The following EXOC4 variants were observed in gnomAD, a reference collection of about 807,000 sequenced individuals.
EXOC4 encodes the protein exocyst complex component 4, also known as SEC8-like 1.
Under a neutral mutation model 107.2 loss-of-function variants are expected in EXOC4, and 71 were observed. That is an observed-to-expected ratio of 0.66 (90% CI 0.55 to 0.81). The LOEUF (loss-of-function observed/expected upper bound fraction) is 0.81, where lower values mean the gene tolerates loss of function less well. Ranked by LOEUF, EXOC4 falls within the 30% of genes least tolerant of loss-of-function variation. The pLI, the probability that EXOC4 is intolerant of heterozygous loss-of-function variation, is 0.00. For synonymous variants in EXOC4, 456 were observed against 441.2 expected, an observed-to-expected ratio of 1.03 and a Z score of -0.42; for missense variants, 1,108 against 1,189.6, an observed-to-expected ratio of 0.93 and a Z score of 1.01.
chr7:133,947,817 A>C (rs879154286), intron 14 of EXOC4, among the ~76,000 whole-genome samples: 3 of 152,226 alleles, frequency 2.0e-5, no homozygotes, highest in African/African-American at 7.2e-5. Flanking sequence ...TTTTATTAAA[A>C]TATGATAATA....
chr7:133,350,188 A>G (rs1403117591), intron 5 of EXOC4, among the ~76,000 whole-genome samples: 1 of 152,034 alleles, frequency 6.6e-6, no homozygotes, highest in African/African-American at 2.4e-5. Context: ...ATGCAGTCCA[A>G]TTTGATTTTT....
intron 11 of EXOC4, among the ~76,000 whole-genome samples, chr7:133,846,694 G>T (rs1798135305): frequency 6.6e-6 from 1 of 152,234 alleles, no homozygotes; most frequent in Non-Finnish European, 1.5e-5. Context: ...TTGTGGTGGG[G>T]AAGTAGCCAT....
At chr7:133,650,375 AG>A (rs1391437611) in intron 10 of EXOC4, among the ~76,000 whole-genome samples, 1 of 152,134 alleles carries the variant, frequency 6.6e-6, no homozygotes, top group Admixed American at 6.6e-5. Flanking sequence ...ATGGAGCTCT[AG>A]GCTCAATTGA....
At chr7:133,690,212 C>T (rs1365939797) in intron 10 of EXOC4, among the ~76,000 whole-genome samples, 1 of 152,146 alleles carries the variant, frequency 6.6e-6, no homozygotes, top group African/African-American at 2.4e-5. Context: ...GGAGCTCAGT[C>T]CAAACCAATA....
chr7:134,042,136 C>T (rs1795535597), intron 17 of EXOC4, among the ~76,000 whole-genome samples: 1 of 152,116 alleles, frequency 6.6e-6, no homozygotes, highest in African/African-American at 2.4e-5. Context: ...AGAAAGAAAC[C>T]CTAGCCCAGG....
chr7:133,576,443 T>TA (rs944885402), intron 9 of EXOC4: 1 of 1,220,404 alleles, frequency 8.2e-7, no homozygotes, highest in African/African-American at 1.6e-5. Context: ...TTACTACACT[T>TA]AAAAAATTAT....
At chr7:133,734,890 C>G (rs913026373) in intron 10 of EXOC4, among the ~76,000 whole-genome samples, 1 of 151,652 alleles carries the variant, frequency 6.6e-6, no homozygotes, top group South Asian at 2.1e-4. Flanking sequence ...TTTAACAAGT[C>G]ATGACTCACT....
At position 133,514,476 on chromosome 7, in the gene EXOC4, A is replaced by G. The variant is rs559420366; in HGVS notation, c.1417+34338A>G. ...TGTGCACGGCCTGGAACATCTTTAT[A>G]CTTAAAACAAGTAACTTTCTTTTTC... On this transcript the variant is annotated intron_variant, in intron 9 of 17. Transcript: ENST00000253861. 2.0e-5 allele frequency among the ~76,000 whole-genome samples: 3 copies of G among 152,188 alleles called. No individual in the cohort carries two copies. The East Asian group carries it at 5.8e-4, about 29-fold the overall frequency.
intron 4 of EXOC4, among the ~76,000 whole-genome samples, chr7:133,307,862 C>T (rs1005680210): frequency 1.3e-5 from 2 of 152,196 alleles, no homozygotes; most frequent in Non-Finnish European, 2.9e-5. Context: ...ACCTGCCTAG[C>T]CTGCATCAAC....
At chr7:133,698,922 C>T (rs2151085026) in intron 10 of EXOC4, among the ~76,000 whole-genome samples, 1 of 151,342 alleles carries the variant, frequency 6.6e-6, no homozygotes, top group Non-Finnish European at 1.5e-5. Context: ...ATAAAATAGG[C>T]ATGTGCTTTG....
intron 7 of EXOC4, among the ~76,000 whole-genome samples, chr7:133,469,241 C>A (rs1055992453): frequency 6.6e-6 from 1 of 152,062 alleles, no homozygotes; most frequent in African/African-American, 2.4e-5. Flanking sequence ...CACGGTGAAA[C>A]CCCATCTCTA....
downstream of EXOC4, chr7:134,066,387 A>T (rs1796178123): frequency 1.3e-5 from 2 of 152,204 alleles, no homozygotes. Flanking sequence ...GATTGAGCAG[A>T]ATGTCAAGAG....
chr7:133,259,620 C>T (rs1795096924), intron 1 of EXOC4, among the ~76,000 whole-genome samples: 1 of 151,994 alleles, frequency 6.6e-6, no homozygotes, highest in Non-Finnish European at 1.5e-5. Context: ...AAAAATAGTA[C>T]TCTCATGATA....
chr7:133,657,110 C>G (rs1803318076), intron 10 of EXOC4, among the ~76,000 whole-genome samples: 1 of 152,102 alleles, frequency 6.6e-6, no homozygotes, highest in Admixed American at 6.6e-5. Flanking sequence ...ACAAGTTTTG[C>G]TAAATGCATG....
At chr7:133,991,033 A>G (rs1372828945) in intron 14 of EXOC4, among the ~76,000 whole-genome samples, 4 of 152,164 alleles carry the variant, frequency 2.6e-5, no homozygotes, top group African/African-American at 4.8e-5. Context: ...ACTAATTTAC[A>G]TTCCCACCAA....
intron 10 of EXOC4, among the ~76,000 whole-genome samples, chr7:133,726,322 T>G (rs568221033): frequency 6.6e-6 from 1 of 152,318 alleles, no homozygotes; most frequent in South Asian, 2.1e-4. Context: ...AGTACAAGTG[T>G]GTCAAGTAAG....
At chr7:133,687,412 T>C (rs1397341715) in intron 10 of EXOC4, among the ~76,000 whole-genome samples, 2 of 151,884 alleles carry the variant, frequency 1.3e-5, no homozygotes, top group African/African-American at 4.8e-5. Flanking sequence ...AAATAACAAA[T>C]TAAAATATTA....
chr7:134,059,833 G>T (rs75763692), intron 17 of EXOC4, among the ~76,000 whole-genome samples: 1 of 152,116 alleles, frequency 6.6e-6, no homozygotes. Context: ...AAATCTTTCT[G>T]TATGGCCCAT....
chr7:133,720,049 T>C (rs1795075815), intron 10 of EXOC4, among the ~76,000 whole-genome samples: 1 of 152,186 alleles, frequency 6.6e-6, no homozygotes, highest in African/African-American at 2.4e-5. Context: ...TGTGGACCTC[T>C]TGGGGCAAGG....
Sources: allele counts gnomAD v4.1 joint callset (sites outside exome capture counted in the v4.1 genomes callset), GRCh38; gene constraint gnomAD v4.1.1; transcripts MANE v1.5; gene names NCBI Gene and HGNC (gene_info 2026-07-23, HGNC 2026-07-21).